WDFY4: variants seen among roughly 807,000 people sequenced by gnomAD.
WDFY4 encodes WD repeat- and FYVE domain-containing protein 4.
In WDFY4, 169 loss-of-function variants were observed where a neutral mutation model predicts 351.9. The observed-to-expected ratio is 0.48, with a 90% CI of 0.42 to 0.55. The LOEUF (loss-of-function observed/expected upper bound fraction) is 0.55. Among genes scored for constraint, WDFY4 ranks in the 20% least tolerant of loss-of-function variants. The pLI is 0.00. For missense variants in WDFY4, 3,803 were observed against 3,935.6 expected, an observed-to-expected ratio of 0.97 and a Z score of 0.90; for synonymous variants, 1,622 against 1,574.6, an observed-to-expected ratio of 1.03 and a Z score of -0.71.
chr10:48,923,083 C>T (rs776367476), intron 47 of WDFY4, among the ~76,000 whole-genome samples: 1 of 152,190 alleles, frequency 6.6e-6, no homozygotes, highest in Non-Finnish European at 1.5e-5. Context: ...ATAGTTGGGA[C>T]TCCATATTCT....
chr10:48,834,030 G>A (rs2068291455), intron 39 of WDFY4, among the ~76,000 whole-genome samples: 1 of 152,200 alleles, frequency 6.6e-6, no homozygotes, highest in African/African-American at 2.4e-5. Flanking sequence ...GACATAGAAG[G>A]GAAGTCCAGA....
At chr10:48,791,860 CCT>C (rs1224422671) in intron 23 of WDFY4, among the ~76,000 whole-genome samples, 25 of 152,194 alleles carry the variant, frequency 1.6e-4, no homozygotes, top group Admixed American at 4.6e-4. Context: ...GGGCACTCCC[CCT>C]GTCTGTCTGG....
intron 22 of WDFY4, 25 bp downstream of exon 22, chr10:48,790,010 C>A: frequency 6.5e-7 from 1 of 1,548,490 alleles, no homozygotes; most frequent in South Asian, 1.2e-5. Context: ...GAAGCTTTGC[C>A]GCTATTTGGG....
intron 47 of WDFY4, chr10:48,910,167 G>T: frequency 7.2e-7 from 1 of 1,385,876 alleles, no homozygotes; most frequent in South Asian, 1.2e-5. Flanking sequence ...TCTCCTAACT[G>T]GGGGCTTCTC....
In WDFY4 at chr10:48,912,921, C is replaced by T. The variant is rs1460674253; in HGVS notation, c.7586+11058C>T. 5.3e-5 allele frequency among the ~76,000 whole-genome samples: 8 copies of T among 152,216 alleles called. No individual in the cohort carries two copies. In the South Asian group the frequency reaches 1.7e-3, roughly 32 times the overall value. ...GTCCAGCTCTGTCCCCTACCCAACA[C>T]CAAGTGCTCATCTACTTTCTTACAA... On this transcript the variant is annotated intron_variant, in intron 47 of 61. Coordinates refer to ENST00000325239, the MANE Select transcript of WDFY4 (RefSeq NM_001394531.1).
At chr10:48,803,567 C>A (rs914414760) in intron 25 of WDFY4, among the ~76,000 whole-genome samples, 1 of 152,120 alleles carries the variant, frequency 6.6e-6, no homozygotes, top group Non-Finnish European at 1.5e-5. Context: ...GGCTTAGAGG[C>A]CTCTCTAGCC....
At chr10:48,705,729 A>G (rs2063609838) in intron 1 of WDFY4, among the ~76,000 whole-genome samples, 1 of 152,214 alleles carries the variant, frequency 6.6e-6, no homozygotes, top group African/African-American at 2.4e-5. Context: ...AGGTGAGTCA[A>G]GTGTTTCACT....
chr10:48,958,379 A>AGGGAG (rs147753443), intron 52 of WDFY4, among the ~76,000 whole-genome samples: 4,669 of 152,272 alleles, frequency 0.031, 76 homozygotes, highest in Middle Eastern at 0.078. Flanking sequence ...GGAGTCACTC[A>AGGGAG]GGGAGGGTGG....
At chr10:48,805,234 T>C in intron 25 of WDFY4, 26 bp from the exon 26 acceptor site, 1 of 1,528,040 alleles carries the variant, frequency 6.5e-7, no homozygotes, top group Non-Finnish European at 8.8e-7. Flanking sequence ...TAAAAGCTTT[T>C]ACTGTCTCTC....
chr10:48,758,246 A>G (rs556704517), intron 12 of WDFY4, among the ~76,000 whole-genome samples: 3 of 152,294 alleles, frequency 2.0e-5, no homozygotes, highest in South Asian at 4.1e-4. Flanking sequence ...TGTTGTTTCC[A>G]TGACTTCTGC....
intron 24 of WDFY4, among the ~76,000 whole-genome samples, chr10:48,802,417 C>A (rs1397898107): frequency 6.6e-6 from 1 of 152,162 alleles, no homozygotes; most frequent in Non-Finnish European, 1.5e-5. Flanking sequence ...CTTTTTATGG[C>A]ACCTCTTGCC....
intron 51 of WDFY4, among the ~76,000 whole-genome samples, chr10:48,952,890 G>C (rs1347159284): frequency 1.3e-5 from 2 of 152,206 alleles, no homozygotes; most frequent in African/African-American, 4.8e-5. Context: ...TCAGGGCCTG[G>C]CTTTTTCCTG....
At chr10:48,900,786 C>T (rs1189568518) in intron 46 of WDFY4, among the ~76,000 whole-genome samples, 1 of 152,192 alleles carries the variant, frequency 6.6e-6, no homozygotes, top group African/African-American at 2.4e-5. Flanking sequence ...ATGTTTTTCT[C>T]CAGATGGATC....
chr10:48,943,815 G>A (rs572930889), intron 49 of WDFY4, among the ~76,000 whole-genome samples: 10 of 152,182 alleles, frequency 6.6e-5, no homozygotes, highest in Admixed American at 2.0e-4. Flanking sequence ...GGCTGGTCTC[G>A]AACTCCTGAC....
At chr10:48,768,480 G>A (rs966211918) in intron 13 of WDFY4, among the ~76,000 whole-genome samples, 4 of 152,136 alleles carry the variant, frequency 2.6e-5, no homozygotes, top group African/African-American at 9.7e-5. Flanking sequence ...TTCCCCGAAA[G>A]CCCATTTTCC....
chr10:48,743,514 C>T lies in WDFY4; in HGVS notation c.2425C>T (p.Arg809Cys), dbSNP rs542558497. 8.1e-5 allele frequency: 124 copies of T among 1,539,436 alleles called. No individual in the cohort carries two copies. In the African/African-American group the frequency reaches 1.2e-3, roughly 15 times the overall value. Reference protein sequence around the residue: ...QKGETGSDPQRNFKQWPDLEE... With the variant: ...QKGETGSDPQCNFKQWPDLEE... ...GGGAGAAACTGGCAGTGACCCCCAA[C>T]GCAACTTCAAGCAGTGGCCAGACCT... The change falls in exon 12 of 62, where the codon CGC (arginine) becomes TGC (cysteine). Residue 809 changes from arginine to cysteine, a missense_variant. Physicochemically the swap from Arg to Cys is radical, Grantham distance 180. Coordinates refer to ENST00000325239, the MANE Select transcript of WDFY4 (RefSeq NM_001394531.1).
At chr10:48,824,142 T>G in intron 35 of WDFY4, 1 of 985,446 alleles carries the variant, frequency 1.0e-6, no homozygotes, top group Non-Finnish European at 1.2e-6. Flanking sequence ...TTCTTTTGAA[T>G]TAAAATCTTC....
rs77880857 is a variant in WDFY4 at position 48,803,188 on chromosome 10, C to G, written c.4411-98C>G. 4.9e-3 allele frequency: 5,742 copies of G among 1,170,682 alleles called. 23 individuals are homozygous for G. Among genetic ancestry groups the G allele is most frequent in the Non-Finnish European group, 6.5e-3 (5,261 of 814,832 alleles). 72.5% of individuals were successfully genotyped at this position (1,170,682 alleles called of 1,614,324 possible). ...GTACATCATGTTGATGATTCCACGT[C>G]AGAGGATCACCTGTCCAGCACTGAC... On this transcript the variant is annotated intron_variant, in intron 24 of 61. Coordinates refer to ENST00000325239, the MANE Select transcript of WDFY4 (RefSeq NM_001394531.1).
chr10:48,871,435 G>A (rs1249297698), intron 40 of WDFY4, among the ~76,000 whole-genome samples: 1 of 151,026 alleles, frequency 6.6e-6, no homozygotes, highest in East Asian at 1.9e-4. Context: ...GCTTTGGATA[G>A]TCAGTTGGAT....
Sources: allele counts gnomAD v4.1 joint callset (sites outside exome capture counted in the v4.1 genomes callset), GRCh38; gene constraint gnomAD v4.1.1; transcripts MANE v1.5; gene names NCBI Gene and HGNC (gene_info 2026-07-23, HGNC 2026-07-21).